ZNF483: variants seen among roughly 807,000 people sequenced by gnomAD.
ZNF483 encodes zinc finger protein HIT-10.
ZNF483 carries 9 observed loss-of-function variants against 28.6 expected under a neutral mutation model. The ratio of observed to expected loss-of-function variants is 0.32; its 90% CI spans 0.19 to 0.55. ZNF483 has a LOEUF of 0.55. Ranked by LOEUF, ZNF483 falls within the 20% of genes least tolerant of loss-of-function variation. ZNF483 has a pLI of 0.93. For missense variants in ZNF483, 675 were observed against 871.7 expected, an observed-to-expected ratio of 0.77 and a Z score of 2.84; for synonymous variants, 322 against 306.2, an observed-to-expected ratio of 1.05 and a Z score of -0.54.
chr9:111,543,765 C>CTTTTTTTTTTGTTTTTTTTT lies in ZNF483; in HGVS notation c.*605_*606insGTTTTTTTTTTTTTTTTTTT. On this transcript the variant is annotated 3_prime_UTR_variant, in exon 6 of 6. Transcript: ENST00000309235. ...CTATTCAGGATGCTGGACTTCTTTT[C>CTTTTTTTTTTGTTTTTTTTT]TTTTTTTTTTCTTTTTTTTTTTTCA... The CTTTTTTTTTTGTTTTTTTTT allele has an allele frequency of 1.4e-6, 1 of 733,572 alleles. No individual in the cohort carries two copies. Among genetic ancestry groups the CTTTTTTTTTTGTTTTTTTTT allele is most frequent in the Admixed American group, 8.5e-5 (1 of 11,812 alleles). The allele number at this position is 733,572 out of a possible 1,614,324, so 45.4% of individuals were successfully genotyped here. A position where few individuals can be genotyped will look rare whatever the true frequency, so the allele number is the denominator to read the frequency against.
intron 3 of ZNF483, among the ~76,000 whole-genome samples, chr9:111,531,260 A>G (rs561613492): frequency 2.3e-4 from 35 of 152,272 alleles, no homozygotes; most frequent in African/African-American, 7.5e-4. Context: ...TCCACATGCA[A>G]TTTTGTTTCA....
At chr9:111,574,614 A>AG in intron 5 of ZNF483, 12 of 702,906 alleles carry the variant, frequency 1.7e-5, no homozygotes, top group South Asian at 4.7e-5. Flanking sequence ...TAAAAAAAAA[A>AG]AAAAAAGAAT....
At position 111,564,969 on chromosome 9, in the gene ZNF483, C is replaced by T. The variant is rs181072461; in HGVS notation, c.722-11396C>T. 1.0e-3 allele frequency among the ~76,000 whole-genome samples: 155 copies of T among 151,854 alleles called. 1 individual carries two copies. The East Asian group carries it at 0.011, about 11-fold the overall frequency. On this transcript the variant is annotated intron_variant, in intron 5 of 5. Coordinates refer to the ZNF483 transcript ENST00000358151. The stretch of plus-strand genomic sequence containing the variant: ...TGAAACCCTGTCTCTACTAAAAATA[C>T]GAAAATTAGCCAGGCGTGGTGGCGT...
Position 111,547,010 on chromosome 9 carries a change from T to C in ZNF483, c.*3840T>C, listed in dbSNP as rs1312551404. Among the ~76,000 whole-genome samples the C allele has an allele frequency of 2.6e-5, 4 of 152,196 alleles. No homozygotes were observed. In the East Asian group the frequency reaches 7.7e-4, roughly 29 times the overall value. On this transcript the variant is annotated 3_prime_UTR_variant, in exon 6 of 6. Coordinates refer to ENST00000309235, the MANE Select transcript of ZNF483 (RefSeq NM_133464.5). ...AGGTTCGGCCGTGTTGTAGCACATA[T>C]CAGAATTTAATTCCTTTTTAAGGCT...
chr9:111,564,191 T>C, intron 5 of ZNF483: 1 of 1,045,602 alleles, frequency 9.6e-7, no homozygotes, highest in Non-Finnish European at 1.2e-6. Flanking sequence ...ATTCCAGTGA[T>C]GGCTTAGCAC....
At chr9:111,526,172 G>A (rs1282868743) in intron 1 of ZNF483, among the ~76,000 whole-genome samples, 1 of 152,210 alleles carries the variant, frequency 6.6e-6, no homozygotes, top group African/African-American at 2.4e-5. Context: ...AAGGAGTCAG[G>A]CTTTAAAGAC....
At chr9:111,572,906 A>G (rs1361164575) in intron 5 of ZNF483, among the ~76,000 whole-genome samples, 1 of 152,104 alleles carries the variant, frequency 6.6e-6, no homozygotes, top group Non-Finnish European at 1.5e-5. Context: ...GTGCGTGTTG[A>G]TGAGAATGTT....
chr9:111,543,714 T>A lies in ZNF483; in HGVS notation c.*544T>A, dbSNP rs548770957. 5.3e-4 allele frequency: 519 copies of A among 971,700 alleles called. 1 individual carries two copies. Among genetic ancestry groups the A allele is most frequent in the Non-Finnish European group, 5.8e-4 (478 of 817,352 alleles). 60.2% of individuals were successfully genotyped at this position (971,700 alleles called of 1,614,324 possible). A position where few individuals can be genotyped will look rare whatever the true frequency, so the allele number is the denominator to read the frequency against. The stretch of plus-strand genomic sequence containing the variant: ...TTTTTTATTTGTCATTACTTTCAAG[T>A]TTCTCTAGTAAAAAATACAATACCA... On this transcript the variant is annotated 3_prime_UTR_variant, in exon 6 of 6. Transcript: ENST00000309235.
chr9:111,570,112 G>A (rs1332631348), intron 5 of ZNF483: 2 of 1,613,994 alleles, frequency 1.2e-6, no homozygotes, highest in African/African-American at 2.7e-5. Context: ...ATTTCAGCAA[G>A]TCCTTCAGAG....
At chr9:111,537,687 C>T (rs1355134331) in intron 5 of ZNF483, among the ~76,000 whole-genome samples, 1 of 152,140 alleles carries the variant, frequency 6.6e-6, no homozygotes, top group African/African-American at 2.4e-5. Context: ...GGTGCAGTGG[C>T]ATGATCACGG....
intron 5 of ZNF483, chr9:111,570,202 G>C (rs759761323): frequency 6.2e-7 from 1 of 1,613,220 alleles, no homozygotes; most frequent in African/African-American, 1.3e-5. Context: ...CAATCTCTGG[G>C]GGTGGGCCTG....
chr9:111,537,712 C>T (rs899818488), intron 5 of ZNF483, among the ~76,000 whole-genome samples: 1 of 152,156 alleles, frequency 6.6e-6, no homozygotes, highest in Non-Finnish European at 1.5e-5. Context: ...CTACAGCCTC[C>T]ACCTCCTGGG....
intron 5 of ZNF483, chr9:111,563,285 T>C (rs919577950): frequency 1.5e-5 from 23 of 1,514,746 alleles, no homozygotes; most frequent in Non-Finnish European, 2.0e-5. Context: ...CTCAATGATA[T>C]ACTGTTCTCA....
intron 5 of ZNF483, among the ~76,000 whole-genome samples, chr9:111,560,962 TATATATATATATAGAGAGAG>T (rs1369590441): frequency 8.7e-5 from 4 of 45,906 alleles, no homozygotes; most frequent in Admixed American, 5.4e-4. Context: ...TATATATATA[TATATATATATATAGAGAGAG>T]AGAGAGAGAG....
chr9:111,542,146 C>G lies in ZNF483; in HGVS notation c.1211C>G (p.Thr404Ser), dbSNP rs149886544. ...GGGATAATCTTTATTAGAAGATCAA[C>G]TCTTTCTAGGAGAAAAACCCCTATG... is the stretch of plus-strand genomic sequence containing the variant. ...KCGIIFIRRS[T>S]LSRRKTPMCE... Residue 404 changes from threonine (T) to serine (S), a missense_variant, in exon 6 of 6, where the codon ACT becomes AGT. Coordinates refer to ENST00000309235, the MANE Select transcript of ZNF483 (RefSeq NM_133464.5). The surrounding 1 kb of genome is among the most constrained non-coding windows in gnomAD (Gnocchi z 6.2). 1.2e-6 allele frequency: 2 copies of G among 1,614,038 alleles called. No individual in the cohort carries two copies. Among genetic ancestry groups the G allele is most frequent in the East Asian group, 2.2e-5 (1 of 44,880 alleles).
downstream of ZNF483, among the ~76,000 whole-genome samples, chr9:111,559,459 G>A (rs960749560): frequency 2.0e-5 from 3 of 151,882 alleles, no homozygotes; most frequent in African/African-American, 7.3e-5. Flanking sequence ...CTGTTGTTGG[G>A]CTCTGATACA....
In ZNF483 at chr9:111,527,812, G is replaced by C; in HGVS notation, c.412+5G>C. 6.2e-7 allele frequency: 1 copy of C among 1,614,110 alleles called. No homozygotes were observed. Among genetic ancestry groups the C allele is most frequent in the Non-Finnish European group, 8.5e-7 (1 of 1,180,036 alleles). On this transcript the variant is annotated splice_donor_5th_base_variant and intron_variant, in intron 2 of 5. Coordinates refer to ENST00000309235, the MANE Select transcript of ZNF483 (RefSeq NM_133464.5). ...CCCAGATGCTTGAAGAAAAAGGTGAGATTTATAGATGGAGGGAGGAAGCGG... is the reference window on the plus strand; with the variant it reads ...CCCAGATGCTTGAAGAAAAAGGTGACATTTATAGATGGAGGGAGGAAGCGG...
rs1212656803 is a variant in ZNF483 at position 111,552,118 on chromosome 9, T to C, written c.*8948T>C. Among the ~76,000 whole-genome samples the C allele has an allele frequency of 6.6e-6, 1 of 152,198 alleles. No homozygotes were observed. Among genetic ancestry groups the C allele is most frequent in the African/African-American group, 2.4e-5 (1 of 41,460 alleles). ...ATGCAGCGTGATATTAGGGAGAAAA[T>C]GTGAATCACAGTGCTACTTTTTGTC... On this transcript the variant is annotated 3_prime_UTR_variant, in exon 6 of 6. Transcript: ENST00000309235.
At chr9:111,538,560 G>A (rs1480574876) in intron 5 of ZNF483, among the ~76,000 whole-genome samples, 2 of 151,648 alleles carry the variant, frequency 1.3e-5, no homozygotes, top group African/African-American at 4.8e-5. Flanking sequence ...AGGGTCAACT[G>A]TGATTACATA....
Sources: allele counts gnomAD v4.1 joint callset (sites outside exome capture counted in the v4.1 genomes callset), GRCh38; gene constraint gnomAD v4.1.1; non-coding constraint Gnocchi (gnomAD v3.1); transcripts MANE v1.5; gene names NCBI Gene and HGNC (gene_info 2026-07-23, HGNC 2026-07-21).